The following RANBP3 variants were observed in gnomAD, a reference collection of about 807,000 sequenced individuals.
RANBP3 encodes the protein ran-binding protein 3.
A neutral mutation model predicts 77.3 loss-of-function variants in RANBP3; 14 were observed. The ratio of observed to expected loss-of-function variants is 0.18; its 90% CI spans 0.12 to 0.28. The LOEUF is 0.28. Among genes scored for constraint, RANBP3 ranks in the 10% least tolerant of loss-of-function variants. RANBP3 has a pLI of 1.00. For synonymous variants in RANBP3, 315 were observed against 312.4 expected (o/e 1.01, Z -0.09); for missense variants, 586 against 752.3 (o/e 0.78, Z 2.59).
At chr19:5,954,089 A>AT (rs1367809820) in intron 2 of RANBP3, among the ~76,000 whole-genome samples, 1 of 152,184 alleles carries the variant, frequency 6.6e-6, no homozygotes, top group Non-Finnish European at 1.5e-5. Flanking sequence ...TGGCAGCTTC[A>AT]TGTCTTTCTT....
At chr19:5,951,699 G>C in intron 2 of RANBP3, 103 bp from the exon 3 acceptor site, 1 of 1,050,306 alleles carries the variant, frequency 9.5e-7, no homozygotes, top group South Asian at 1.4e-5. Context: ...TCAGCTTGCA[G>C]CAGCTCCTGC....
At chr19:5,975,908 T>C (rs776893964) in intron 1 of RANBP3, among the ~76,000 whole-genome samples, 4 of 151,660 alleles carry the variant, frequency 2.6e-5, no homozygotes, top group Non-Finnish European at 5.9e-5. Flanking sequence ...CCAGAGTAGT[T>C]AGCACAGAGC....
rs2058364107 is a variant in RANBP3 at position 5,958,674 on chromosome 19, T to G, written c.23-701A>C. ...CTGTGCCACTCAGCCCCGGAGTGGG[T>G]GGCAGCCCAGGAGGCCCTGCTGCCC... On this transcript the variant is annotated intron_variant, in intron 1 of 16. Coordinates refer to ENST00000340578, the MANE Select transcript of RANBP3 (RefSeq NM_007322.3). The surrounding 1 kb of genome is among the most constrained non-coding windows in gnomAD (Gnocchi z 4.4). 6.6e-6 allele frequency among the ~76,000 whole-genome samples: 1 copy of G among 152,164 alleles called. No individual in the cohort carries two copies. The highest frequency in any genetic ancestry group is 6.5e-5 in the Admixed American group (1 of 15,278).
At chr19:5,960,210 C>G (rs895011826) in intron 1 of RANBP3, among the ~76,000 whole-genome samples, 1 of 152,168 alleles carries the variant, frequency 6.6e-6, no homozygotes, top group African/African-American at 2.4e-5. Flanking sequence ...CCAAAGCTAA[C>G]TCTGCCCCCA....
intron 2 of RANBP3, among the ~76,000 whole-genome samples, chr19:5,953,495 T>C (rs8107091): frequency 2.0e-4 from 30 of 152,316 alleles, no homozygotes; most frequent in African/African-American, 6.7e-4. Context: ...TTCTGCTAAA[T>C]AGCATTTCTG....
At position 5,917,625 on chromosome 19, in the gene RANBP3, C is replaced by T. The variant is rs1408207555; in HGVS notation, c.1689G>A (p.Thr563=). ...CTCCCGGCCGCTATGTGCTCCCGGT[C>T]GTCTGCCCGTCCCCTTCGTCACCAG... ...AGAGDEGDGQ[T]TGST Residue 563 remains threonine (T), a synonymous_variant, in exon 17 of 17, where the codon ACG becomes ACA. Coordinates refer to ENST00000340578, the MANE Select transcript of RANBP3 (RefSeq NM_007322.3). The T allele has an allele frequency of 8.1e-6, 13 of 1,605,014 alleles. No individual in the cohort carries two copies. Among genetic ancestry groups the T allele is most frequent in the African/African-American group, 2.7e-5 (2 of 74,838 alleles).
chr19:5,962,943 C>T (rs752976954), intron 1 of RANBP3, among the ~76,000 whole-genome samples: 7 of 152,168 alleles, frequency 4.6e-5, no homozygotes, highest in Admixed American at 2.6e-4. Context: ...AACACCGCTA[C>T]CTCCAACTCA....
At chr19:5,934,654 C>T (rs776918033) in intron 5 of RANBP3, among the ~76,000 whole-genome samples, 4 of 152,104 alleles carry the variant, frequency 2.6e-5, no homozygotes, top group Non-Finnish European at 5.9e-5. Flanking sequence ...GGCAACACTG[C>T]AAGACCCTAA....
At chr19:5,951,676 G>T in intron 2 of RANBP3, 80 bp from the exon 3 acceptor site, 2 of 1,299,418 alleles carry the variant, frequency 1.5e-6, no homozygotes, top group Non-Finnish European at 2.2e-6. Flanking sequence ...AGGGGTCAGA[G>T]GCTGGAGCTG....
At chr19:5,969,353 T>TGCATC (rs1334649855) in intron 1 of RANBP3, among the ~76,000 whole-genome samples, 1 of 152,198 alleles carries the variant, frequency 6.6e-6, no homozygotes, top group Non-Finnish European at 1.5e-5. Flanking sequence ...CCACTCACGC[T>TGCATC]CTGCTCTCAC....
rs771089447 is a variant in RANBP3 at position 5,923,813 on chromosome 19, T to C, written c.1098A>G (p.Lys366=). 3.1e-6 allele frequency: 5 copies of C among 1,609,434 alleles called. No individual in the cohort carries two copies. Among genetic ancestry groups the C allele is most frequent in the Admixed American group, 1.7e-5 (1 of 59,990 alleles). ...TGCTGTGGTGGGACGCTAACATACCTTTCTCAGGGGTGGCCTCCTGGGACG... is the reference window on the plus strand; with the variant it reads ...TGCTGTGGTGGGACGCTAACATACCCTTCTCAGGGGTGGCCTCCTGGGACG... The part of the protein sequence containing the change: ...ESSSQEATPE[K]ESLAESAAAY... The change falls in exon 12 of 17, where the codon AAA becomes AAG. Residue 366 remains lysine (K), a splice_region_variant and synonymous_variant. Coordinates refer to ENST00000340578, the MANE Select transcript of RANBP3 (RefSeq NM_007322.3).
At chr19:5,975,216 G>C (rs1204878263) in intron 1 of RANBP3, among the ~76,000 whole-genome samples, 1 of 152,200 alleles carries the variant, frequency 6.6e-6, no homozygotes, top group African/African-American at 2.4e-5. Context: ...AGGGATATAT[G>C]AGGCACAAAG....
intron 1 of RANBP3, chr19:5,962,798 C>G (rs555998737): frequency 2.2e-6 from 1 of 455,260 alleles, no homozygotes; most frequent in East Asian, 7.0e-5. Context: ...CTATCGCAAA[C>G]AGACAAGACA....
chr19:5,926,031 C>T (rs1051462282), intron 9 of RANBP3, among the ~76,000 whole-genome samples: 6 of 152,194 alleles, frequency 3.9e-5, no homozygotes, highest in African/African-American at 9.7e-5. Context: ...GCTGGCCTCT[C>T]GGTCAATGCT....
intron 7 of RANBP3, 33 bp downstream of exon 7, chr19:5,932,419 C>T (rs2058005158): frequency 6.3e-7 from 1 of 1,596,646 alleles, no homozygotes; most frequent in Non-Finnish European, 8.6e-7. Flanking sequence ...ACCCTGCCGT[C>T]TGGGCCTGGG....
rs2058364073 is a variant in RANBP3, at chr19:5,958,673, G to A, written c.23-700C>T. 6.6e-6 allele frequency among the ~76,000 whole-genome samples: 1 copy of A among 152,224 alleles called. No homozygotes were observed. The highest frequency in any genetic ancestry group is 1.5e-5 in the Non-Finnish European group (1 of 68,036). On this transcript the variant is annotated intron_variant, in intron 1 of 16. Transcript: ENST00000340578. This position sits in a 1 kb window ranked among gnomAD's most constrained non-coding sequence, Gnocchi z 4.4. ...CCTGTGCCACTCAGCCCCGGAGTGG[G>A]TGGCAGCCCAGGAGGCCCTGCTGCC...
Position 5,917,590 on chromosome 19 carries a change from T to G in RANBP3, c.*20A>C, listed in dbSNP as rs1338732706. 7 of 1,578,498 alleles carry G rather than the reference T, an allele frequency of 4.4e-6. No individual in the cohort carries two copies. The highest frequency in any genetic ancestry group is 1.8e-5 in the Admixed American group (1 of 56,376). ...AGACGGACAAAGCAGCAGCCTGGTG[T>G]GCAGCCGGGCTCCCGGCCGCTATGT... On this transcript the variant is annotated 3_prime_UTR_variant, in exon 17 of 17. Coordinates refer to ENST00000340578, the MANE Select transcript of RANBP3 (RefSeq NM_007322.3).
At chr19:5,950,187 G>A (rs8104351) in intron 3 of RANBP3, among the ~76,000 whole-genome samples, 4 of 152,230 alleles carry the variant, frequency 2.6e-5, no homozygotes, top group Admixed American at 1.3e-4. Flanking sequence ...TTGCTCTGGC[G>A]GCAGTCACGT....
intron 1 of RANBP3, among the ~76,000 whole-genome samples, chr19:5,967,857 C>T (rs956399511): frequency 6.6e-6 from 1 of 151,978 alleles, no homozygotes; most frequent in African/African-American, 2.4e-5. Context: ...CGTGTCTCTA[C>T]CCAAAATACA....
Sources: gnomAD v4.1 joint callset for allele counts (sites outside exome capture counted in the v4.1 genomes callset) on GRCh38, gnomAD v4.1.1 for gene constraint, Gnocchi (gnomAD v3.1) non-coding constraint, MANE v1.5 for transcripts, NCBI Gene and HGNC (gene_info 2026-07-23, HGNC 2026-07-21) for gene names.